Variants in IL1R1 observed in about 807,000 individuals in gnomAD.
IL1R1 encodes the protein interleukin-1 receptor type 1.
IL1R1 carries 22 observed loss-of-function variants against 50.2 expected under a neutral mutation model. The observed-to-expected ratio is 0.44, with a 90% CI of 0.31 to 0.63. IL1R1 has a LOEUF of 0.63. IL1R1 is among the 20% of genes least tolerant of loss of function. The probability of loss-of-function intolerance (pLI) is 0.07; values close to 1 mark genes in which losing one functional copy is unlikely to be tolerated. For synonymous variants in IL1R1, 251 were observed against 236.7 expected (o/e 1.06, Z -0.55); for missense variants, 509 against 676.2 (o/e 0.75, Z 2.74).
At chr2:102,113,378 C>T (rs771583144) in intron 1 of IL1R1, among the ~76,000 whole-genome samples, 6 of 152,172 alleles carry the variant, frequency 3.9e-5, no homozygotes, top group Non-Finnish European at 5.9e-5. Context: ...AAGTGCTGAA[C>T]GTCTTAACCA....
At chr2:102,172,470 T>C in intron 8 of IL1R1, 3 of 955,890 alleles carry the variant, frequency 3.1e-6, no homozygotes, top group Non-Finnish European at 3.7e-6. Context: ...ATTTTTTTGC[T>C]TTCTCTGCTA....
At chr2:102,102,000 G>A (rs117722856), upstream of IL1R1, among the ~76,000 whole-genome samples, 104 of 152,262 alleles carry the variant, frequency 6.8e-4, no homozygotes, top group East Asian at 0.014. Context: ...TGTGTGTGGC[G>A]TGTGTGTTCA....
At chr2:102,118,727 G>A (rs1269612032) in intron 1 of IL1R1, among the ~76,000 whole-genome samples, 2 of 152,124 alleles carry the variant, frequency 1.3e-5, no homozygotes, top group Non-Finnish European at 2.9e-5. Context: ...TATAGAAAAG[G>A]AAAAGTAGGG....
At chr2:102,153,127 G>A (rs1055526098) in intron 1 of IL1R1, among the ~76,000 whole-genome samples, 2 of 152,178 alleles carry the variant, frequency 1.3e-5, no homozygotes, top group Non-Finnish European at 2.9e-5. Flanking sequence ...GTGATATGGG[G>A]TGTAGGTATG....
chr2:102,118,326 C>T (rs1681208723), intron 1 of IL1R1, among the ~76,000 whole-genome samples: 1 of 152,328 alleles, frequency 6.6e-6, no homozygotes, highest in South Asian at 2.1e-4. Flanking sequence ...CGCACTTCCC[C>T]TCCCATACAC....
intron 1 of IL1R1, among the ~76,000 whole-genome samples, chr2:102,083,912 C>T (rs938047534): frequency 2.0e-5 from 3 of 151,136 alleles, no homozygotes; most frequent in African/African-American, 7.3e-5. Flanking sequence ...CCACTGCACT[C>T]CAGCTTAAGC....
At chr2:102,152,730 C>T (rs1243249758) in intron 1 of IL1R1, among the ~76,000 whole-genome samples, 1 of 151,952 alleles carries the variant, frequency 6.6e-6, no homozygotes, top group Non-Finnish European at 1.5e-5. Context: ...TGTCCTAGGA[C>T]TGGGAGCGGG....
At chr2:102,122,374 A>G (rs1395849598) in intron 1 of IL1R1, among the ~76,000 whole-genome samples, 1 of 152,140 alleles carries the variant, frequency 6.6e-6, no homozygotes, top group African/African-American at 2.4e-5. Flanking sequence ...TTTTATACTG[A>G]AGTCAGAGTT....
At chr2:102,174,857 C>A in intron 10 of IL1R1, 127 bp downstream of exon 10, 1 of 652,456 alleles carries the variant, frequency 1.5e-6, no homozygotes, top group Non-Finnish European at 2.5e-6. Context: ...TACAAGAATA[C>A]TAGTTATTCT....
intron 10 of IL1R1, among the ~76,000 whole-genome samples, chr2:102,175,247 G>A (rs1052153962): frequency 5.3e-5 from 8 of 152,228 alleles, no homozygotes; most frequent in South Asian, 2.1e-4. Context: ...AAGAGTATAC[G>A]AGGCAGCCTC....
chr2:102,137,692 A>C (rs912612110), intron 1 of IL1R1, among the ~76,000 whole-genome samples: 3 of 152,224 alleles, frequency 2.0e-5, no homozygotes, highest in African/African-American at 7.2e-5. Context: ...CTATTGGTTG[A>C]AATTGTTTGA....
intron 1 of IL1R1, among the ~76,000 whole-genome samples, chr2:102,152,876 C>T (rs1683818488): frequency 6.6e-6 from 1 of 151,894 alleles, no homozygotes; most frequent in Admixed American, 6.6e-5. Flanking sequence ...TTTGTGTAGT[C>T]TAAGGAAAAT....
At chr2:102,137,046 A>G (rs1682383130) in intron 1 of IL1R1, among the ~76,000 whole-genome samples, 1 of 152,200 alleles carries the variant, frequency 6.6e-6, no homozygotes, top group Admixed American at 6.5e-5. Context: ...AACTAAACCT[A>G]TTTGACCATC....
intron 1 of IL1R1, among the ~76,000 whole-genome samples, chr2:102,134,382 C>CT (rs11372238): frequency 0.17 from 25,493 of 145,674 alleles, 2,564 homozygotes; most frequent in African/African-American, 0.28. Flanking sequence ...TCTTTTCTTT[C>CT]TTTTTTTTTT....
chr2:102,110,389 G>A (rs1290789397), intron 1 of IL1R1, among the ~76,000 whole-genome samples: 2 of 152,048 alleles, frequency 1.3e-5, no homozygotes, highest in Non-Finnish European at 2.9e-5. Context: ...GTCAGAGGCT[G>A]TGTACACTTG....
At chr2:102,146,143 C>CATGCTG (rs1683100464) in intron 1 of IL1R1, among the ~76,000 whole-genome samples, 1 of 152,032 alleles carries the variant, frequency 6.6e-6, no homozygotes. Context: ...AGAGTCTAGC[C>CATGCTG]ATGCTGGTCT....
At chr2:102,133,952 A>G (rs1437227917) in intron 1 of IL1R1, among the ~76,000 whole-genome samples, 1 of 152,216 alleles carries the variant, frequency 6.6e-6, no homozygotes, top group African/African-American at 2.4e-5. Flanking sequence ...ATTGGAAAAG[A>G]AAAGAAATTC....
chr2:102,110,719 C>T (rs1013292311), intron 1 of IL1R1, among the ~76,000 whole-genome samples: 6 of 151,838 alleles, frequency 4.0e-5, no homozygotes, highest in African/African-American at 1.2e-4. Context: ...AAACCATTTG[C>T]GATCACAACG....
At chr2:102,155,490 G>A (rs1168569729) in intron 2 of IL1R1, among the ~76,000 whole-genome samples, 3 of 152,170 alleles carry the variant, frequency 2.0e-5, no homozygotes, top group Non-Finnish European at 2.9e-5. Context: ...GTTGATTTTT[G>A]TTGGGAGTGT....
Sources: allele counts gnomAD v4.1 joint callset (sites outside exome capture counted in the v4.1 genomes callset), GRCh38; gene constraint gnomAD v4.1.1; transcripts MANE v1.5; gene names NCBI Gene and HGNC (gene_info 2026-07-23, HGNC 2026-07-21).